RFC4: variants seen among roughly 807,000 people sequenced by gnomAD.
RFC4 encodes replication factor C subunit 4.
Under a neutral mutation model 47.6 loss-of-function variants are expected in RFC4, and 38 were observed. The observed-to-expected ratio is 0.80, with a 90% CI of 0.62 to 1.05. RFC4 has a LOEUF of 1.05. RFC4 is among the 50% of genes least tolerant of loss of function. RFC4 has a pLI of 0.00. For missense variants in RFC4, 489 were observed against 434.0 expected (o/e 1.13, Z -1.13); for synonymous variants, 164 against 150.0 (o/e 1.09, Z -0.68).
rs976457473 is a variant in RFC4 at position 186,799,143 on chromosome 3, A to G, written c.211-1529T>C. 3.9e-5 allele frequency among the ~76,000 whole-genome samples: 6 copies of G among 152,252 alleles called. 1 individual carries two copies. The highest frequency in any genetic ancestry group is 8.8e-5 in the Non-Finnish European group (6 of 68,042). On this transcript the variant is annotated intron_variant, in intron 3 of 10. Transcript: ENST00000296273. ...GATTCATCCAGGTTAACTATCAGATACAATAATTTAAATTCTTTGAAACAG... is the reference window on the plus strand; with the variant it reads ...GATTCATCCAGGTTAACTATCAGATGCAATAATTTAAATTCTTTGAAACAG...
At chr3:186,791,685 A>C (rs752846837) in intron 8 of RFC4, 40 bp downstream of exon 8, 1 of 1,601,970 alleles carries the variant, frequency 6.2e-7, no homozygotes, top group Non-Finnish European at 8.6e-7. Context: ...GCCACAAAAA[A>C]GCCAACTAAA....
intron 8 of RFC4, 197 bp downstream of exon 8, chr3:186,791,528 C>G (rs1200715382): frequency 1.7e-6 from 1 of 589,312 alleles, no homozygotes; most frequent in Non-Finnish European, 3.1e-6. Flanking sequence ...CCTGAAATGT[C>G]TGTTACATGC....
chr3:186,794,635 G>T, intron 5 of RFC4, 23 bp downstream of exon 5: 1 of 1,609,842 alleles, frequency 6.2e-7, no homozygotes, highest in South Asian at 1.1e-5. Flanking sequence ...ATGCTATGGA[G>T]GAGGGAGGGC....
chr3:186,794,687 A>G lies in RFC4; in HGVS notation c.381T>C (p.Ala127=). 1 of 1,614,102 alleles carries G rather than the reference A, an allele frequency of 6.2e-7. No homozygotes were observed. The highest frequency in any genetic ancestry group is 1.1e-5 in the South Asian group (1 of 91,064). The change falls in exon 5 of 11, where the codon GCT becomes GCC. Residue 127 remains alanine, a synonymous_variant. Coordinates refer to ENST00000296273, the MANE Select transcript of RFC4 (RefSeq NM_002916.5). ...QVVREKVKNF[A]QLTVSGSRSD... Reference sequence around the variant, plus strand: ...AGCGACTTCCTGACACAGTTAATTGAGCAAAATTTTTCACTTTCTCTCGAA... The same window carrying G: ...AGCGACTTCCTGACACAGTTAATTGGGCAAAATTTTTCACTTTCTCTCGAA...
chr3:186,804,647 C>T lies in RFC4; in HGVS notation c.67G>A (p.Ala23Thr). The T allele has an allele frequency of 6.2e-7, 1 of 1,614,130 alleles. No homozygotes were observed. Residue 23 changes from alanine to threonine, a missense_variant, in exon 2 of 11, where the codon GCT becomes ACT. Transcript: ENST00000296273. ...KPPLTKDRGV[A>T]ASAGSSGENK... is the part of the protein sequence containing the mutation. ...TCTCCGCTACTTCCCGCACTGGCAGCTACTCCTCGATCCTTGGTCAGCGGG... is the reference window on the plus strand; with the variant it reads ...TCTCCGCTACTTCCCGCACTGGCAGTTACTCCTCGATCCTTGGTCAGCGGG...
chr3:186,804,463 A>C, intron 2 of RFC4, 120 bp downstream of exon 2: 1 of 1,019,534 alleles, frequency 9.8e-7, no homozygotes, highest in Non-Finnish European at 1.4e-6. Flanking sequence ...ATTTTTTTTC[A>C]AAGACAACTT....
rs1408661397 is a variant in RFC4 at position 186,789,911 on chromosome 3, ATT to A, written c.*56_*57del. On this transcript the variant is annotated 3_prime_UTR_variant, in exon 11 of 11. Transcript: ENST00000296273. ...ATTCACTTTAAAGGTGCTTTTGGTCATTTTATTTTTATTACAACTTCATTATT... is the reference window on the plus strand; with the variant it reads ...ATTCACTTTAAAGGTGCTTTTGGTCATTATTTTTATTACAACTTCATTATT... 1.8e-6 allele frequency: 2 copies of A among 1,125,664 alleles called. No individual in the cohort carries two copies. The highest frequency in any genetic ancestry group is 1.6e-5 in the African/African-American group (1 of 64,294). The allele number at this position is 1,125,664 out of a possible 1,614,324, so 69.7% of individuals were successfully genotyped here.
rs775900099 is a variant in RFC4, at chr3:186,789,969, T to C, written c.1092A>G (p.Ter364=). ...AACCCCCCATCCAGATATATTCACG[T>C]TAACAATTCTGAGATAACTGCTGCA... ...TVMQQLSQNC[*] is the part of the protein sequence containing the mutation. Residue 364 remains the stop codon, a stop_retained_variant, in exon 11 of 11, where the codon TAA becomes TAG. Coordinates refer to ENST00000296273, the MANE Select transcript of RFC4 (RefSeq NM_002916.5). 4 of 1,592,234 alleles carry C rather than the reference T, an allele frequency of 2.5e-6. No individual in the cohort carries two copies. In the Admixed American group the frequency reaches 5.0e-5, roughly 20 times the overall value.
chr3:186,795,717 C>T (rs569911131), intron 4 of RFC4, among the ~76,000 whole-genome samples: 53 of 152,142 alleles, frequency 3.5e-4, no homozygotes, highest in Admixed American at 2.2e-3. Flanking sequence ...TGCTTGAACC[C>T]GGGATGTGGA....
intron 5 of RFC4, among the ~76,000 whole-genome samples, chr3:186,794,123 A>T (rs1337849126): frequency 2.6e-5 from 4 of 152,198 alleles, no homozygotes; most frequent in Non-Finnish European, 5.9e-5. Context: ...TGATTTGTAA[A>T]TATTTTCTCC....
chr3:186,805,079 G>A (rs959416452), intron 1 of RFC4, among the ~76,000 whole-genome samples: 3 of 152,140 alleles, frequency 2.0e-5, no homozygotes, highest in African/African-American at 7.2e-5. Flanking sequence ...AACCACATGG[G>A]CCTCCATGGT....
In RFC4 at chr3:186,790,314, A is replaced by G. The variant is rs919474850; in HGVS notation, c.882+12T>C. The G allele has an allele frequency of 6.2e-7, 1 of 1,611,974 alleles. No homozygotes were observed. Among genetic ancestry groups the G allele is most frequent in the Admixed American group, 1.7e-5 (1 of 60,022 alleles). ...AATATTCCTTTCCCCAAAGTTAGTA[A>G]GCTGACTTTACCTTGACCACAGCTT... is the stretch of plus-strand genomic sequence containing the variant. On this transcript the variant is annotated intron_variant, in intron 9 of 10. Transcript: ENST00000296273.
intron 3 of RFC4, among the ~76,000 whole-genome samples, chr3:186,798,979 G>C (rs551449054): frequency 3.9e-5 from 6 of 152,274 alleles, no homozygotes; most frequent in Admixed American, 6.5e-5. Context: ...ATGTTAATTA[G>C]AAGACTATTA....
At chr3:186,798,323 AAATT>A (rs771542383) in intron 3 of RFC4, among the ~76,000 whole-genome samples, 23 of 152,234 alleles carry the variant, frequency 1.5e-4, no homozygotes, top group Admixed American at 9.2e-4. Flanking sequence ...TCCGTGGTGA[AAATT>A]AATAAGTCAA....
rs113108114 is a variant in RFC4, at chr3:186,791,181, T to C, written c.801+544A>G. 856 of 156,562 alleles carry C rather than the reference T, an allele frequency of 5.5e-3. 5 individuals carry two copies. The highest frequency in any genetic ancestry group is 0.01 in the Middle Eastern group (3 of 298). The allele number at this position is 156,562 out of a possible 1,614,324, so 9.7% of individuals were successfully genotyped here. On this transcript the variant is annotated intron_variant, in intron 8 of 10. Coordinates refer to ENST00000296273, the MANE Select transcript of RFC4 (RefSeq NM_002916.5). ...TGATTTAACTGCCAAAGGCATCTCT[T>C]ATAAAATCTAAAAACTGAAGGCTGG...
intron 2 of RFC4, among the ~76,000 whole-genome samples, chr3:186,802,839 G>C (rs1354623590): frequency 6.6e-6 from 1 of 152,242 alleles, no homozygotes; most frequent in African/African-American, 2.4e-5. Context: ...GAGGAAGGCA[G>C]AGTGTGATGC....
In RFC4 at chr3:186,793,440, GAAT is replaced by G. The variant is rs1274344845; in HGVS notation, c.411-496_411-494del. Among the ~76,000 whole-genome samples the G allele has an allele frequency of 1.3e-5, 2 of 152,170 alleles. No individual in the cohort carries two copies. The highest frequency in any genetic ancestry group is 4.8e-5 in the African/African-American group (2 of 41,434). On this transcript the variant is annotated intron_variant, in intron 5 of 10. Coordinates refer to ENST00000296273, the MANE Select transcript of RFC4 (RefSeq NM_002916.5). The surrounding 1 kb of genome is among the most constrained non-coding windows in gnomAD (Gnocchi z 4.2). Reference sequence around the variant, plus strand: ...GCTGTTTCCATGTTTTGGCTATTAAGAATAATGCTGCTGTGAACATTTGTGTAC... The same window carrying G: ...GCTGTTTCCATGTTTTGGCTATTAAGAATGCTGCTGTGAACATTTGTGTAC...
chr3:186,801,686 G>A (rs1471387240), intron 2 of RFC4, among the ~76,000 whole-genome samples: 1 of 142,924 alleles, frequency 7.0e-6, no homozygotes, highest in East Asian at 2.0e-4. Flanking sequence ...ACTCCAGCCT[G>A]GGTGACAGAG....
chr3:186,800,476 C>T (rs914573845), intron 3 of RFC4, among the ~76,000 whole-genome samples: 1 of 152,200 alleles, frequency 6.6e-6, no homozygotes, highest in East Asian at 1.9e-4. Flanking sequence ...AACCACATCC[C>T]ACTTCAGCAC....
Sources: gnomAD v4.1 joint callset for allele counts (sites outside exome capture counted in the v4.1 genomes callset) on GRCh38, gnomAD v4.1.1 for gene constraint, Gnocchi (gnomAD v3.1) non-coding constraint, MANE v1.5 for transcripts, NCBI Gene and HGNC (gene_info 2026-07-23, HGNC 2026-07-21) for gene names.